RBFOX2: variants seen among roughly 807,000 people sequenced by gnomAD.
RBFOX2 encodes RNA binding fox-1 homolog 2.
In RBFOX2, 10 loss-of-function variants were observed where a neutral mutation model predicts 49.1. The ratio of observed to expected loss-of-function variants is 0.20; its 90% CI spans 0.13 to 0.35. The LOEUF is 0.35. Ranked by LOEUF, RBFOX2 falls within the 10% of genes least tolerant of loss-of-function variation. RBFOX2 has a pLI of 1.00. For synonymous variants in RBFOX2, 183 were observed against 187.4 expected, an observed-to-expected ratio of 0.98 and a Z score of 0.19; for missense variants, 323 against 486.9, an observed-to-expected ratio of 0.66 and a Z score of 3.17.
chr22:35,763,070 A>G (rs560514807), intron 6 of RBFOX2, among the ~76,000 whole-genome samples: 1 of 152,344 alleles, frequency 6.6e-6, no homozygotes, highest in African/African-American at 2.4e-5. Context: ...TGCACAAATT[A>G]AGAGATTCCA....
At chr22:35,893,107 A>G (rs990907742) in intron 1 of RBFOX2, among the ~76,000 whole-genome samples, 10 of 152,232 alleles carry the variant, frequency 6.6e-5, no homozygotes, top group Admixed American at 5.2e-4. Context: ...AGTGCTACCC[A>G]AGCCTTCAGG....
intron 1 of RBFOX2, among the ~76,000 whole-genome samples, chr22:35,826,273 C>A (rs1197092437): frequency 3.0e-5 from 4 of 134,392 alleles, no homozygotes; most frequent in Non-Finnish European, 4.6e-5. Context: ...ACCTGGGAGG[C>A]GGAGGTTGCA....
At chr22:35,974,005 C>T (rs921640618) in intron 1 of RBFOX2, among the ~76,000 whole-genome samples, 9 of 152,192 alleles carry the variant, frequency 5.9e-5, no homozygotes, top group African/African-American at 2.2e-4. Context: ...CACATTTCCT[C>T]CTGGAACGTG....
chr22:36,013,006 C>T (rs897867844), intron 1 of RBFOX2, among the ~76,000 whole-genome samples: 7 of 152,074 alleles, frequency 4.6e-5, no homozygotes, highest in African/African-American at 7.2e-5. Context: ...CCTCGTGATT[C>T]GCCCGCCTCG....
rs573529864 is a variant in RBFOX2 at position 35,945,722 on chromosome 22, C to A, written c.43-6825G>T. Reference sequence around the variant, plus strand: ...AAAGTGCTGGGATTACGGGAATAAGCCACTGTGCCTGGCCTCAAGAAGAGA... The same window carrying A: ...AAAGTGCTGGGATTACGGGAATAAGACACTGTGCCTGGCCTCAAGAAGAGA... On this transcript the variant is annotated intron_variant, in intron 1 of 5. Coordinates refer to the RBFOX2 transcript ENST00000408983. Among the ~76,000 whole-genome samples, 6 of 152,302 alleles carry A rather than the reference C, an allele frequency of 3.9e-5. No homozygotes were observed. The East Asian group carries it at 1.2e-3, about 29-fold the overall frequency.
In RBFOX2 at chr22:35,883,684, T is replaced by C. The variant is rs143893345; in HGVS notation, c.-34+55163A>G. ...CAGCAAGAAGGAACCAGAGGGGATCTGCAATGTTTTGTTTAGAAGTTTACT... is the reference window on the plus strand; with the variant it reads ...CAGCAAGAAGGAACCAGAGGGGATCCGCAATGTTTTGTTTAGAAGTTTACT... On this transcript the variant is annotated intron_variant, in intron 1 of 13. Coordinates refer to the RBFOX2 transcript ENST00000359369. Among the ~76,000 whole-genome samples, 442 of 152,340 alleles carry C rather than the reference T, an allele frequency of 2.9e-3. 3 individuals carry two copies. The highest frequency in any genetic ancestry group is 0.01 in the Middle Eastern group (3 of 294).
chr22:35,784,740 T>C (rs1946016212), intron 2 of RBFOX2, among the ~76,000 whole-genome samples: 1 of 152,192 alleles, frequency 6.6e-6, no homozygotes, highest in South Asian at 2.1e-4. Flanking sequence ...CCCTTCACCA[T>C]CTTGAGGGCC....
At chr22:35,796,440 A>G (rs565310532) in intron 2 of RBFOX2, among the ~76,000 whole-genome samples, 1 of 152,344 alleles carries the variant, frequency 6.6e-6, no homozygotes, top group East Asian at 1.9e-4. Context: ...TTACTATTAC[A>G]GTATGTTATT....
At chr22:35,962,509 G>A (rs750911521), upstream of RBFOX2, among the ~76,000 whole-genome samples, 26 of 152,068 alleles carry the variant, frequency 1.7e-4, no homozygotes, top group Non-Finnish European at 3.5e-4. Flanking sequence ...AAATTCCTGT[G>A]GATATTAACA....
At chr22:35,951,190 G>A (rs551431086) in intron 1 of RBFOX2, among the ~76,000 whole-genome samples, 8 of 146,636 alleles carry the variant, frequency 5.5e-5, no homozygotes, top group East Asian at 4.1e-4. Context: ...TCCTGACCTC[G>A]TGTTCCGCCT....
At chr22:35,746,599 TC>T in intron 9 of RBFOX2, 38 bp from the exon 12 acceptor site, 4 of 1,351,292 alleles carry the variant, frequency 3.0e-6, no homozygotes, top group South Asian at 1.5e-5. Context: ...CAGATACCTC[TC>T]CCCCCAGGTG....
Position 35,822,819 on chromosome 22 carries a change from T to A in RBFOX2, c.28-12815A>T, listed in dbSNP as rs1242134894. 25 of 431,268 alleles carry A rather than the reference T, an allele frequency of 5.8e-5. No homozygotes were observed. The Admixed American group carries it at 6.9e-4, about 12-fold the overall frequency. The allele number at this position is 431,268 out of a possible 1,614,324, so 26.7% of individuals were successfully genotyped here. ...ACTGTTTTATGTTTTGTTTTTCCTT[T>A]GGGTTGTCTTTTTTTTTTTTTTTGA... On this transcript the variant is annotated intron_variant, in intron 1 of 11. Coordinates refer to ENST00000405409, the Ensembl canonical transcript of RBFOX2.
intron 1 of RBFOX2, among the ~76,000 whole-genome samples, chr22:35,899,326 T>G (rs1210511087): frequency 2.0e-5 from 3 of 151,962 alleles, no homozygotes; most frequent in Non-Finnish European, 2.9e-5. Context: ...CTCCCATGGG[T>G]GGAACCACCA....
At chr22:35,867,593 C>T (rs974669551) in intron 1 of RBFOX2, among the ~76,000 whole-genome samples, 8 of 152,116 alleles carry the variant, frequency 5.3e-5, no homozygotes, top group Non-Finnish European at 1.0e-4. Context: ...CTTAAATATA[C>T]TAACTAAATA....
chr22:35,935,184 C>T (rs1603450693), intron 1 of RBFOX2, among the ~76,000 whole-genome samples: 1 of 152,158 alleles, frequency 6.6e-6, no homozygotes, highest in Non-Finnish European at 1.5e-5. Context: ...AATCCTCCTG[C>T]CTTGGCCTCC....
chr22:35,962,966 G>C (rs781386104), upstream of RBFOX2, among the ~76,000 whole-genome samples: 3 of 145,682 alleles, frequency 2.1e-5, no homozygotes, highest in Non-Finnish European at 4.5e-5. Context: ...GTAGGAAAGG[G>C]AGAAAAGGAA....
intron 1 of RBFOX2, among the ~76,000 whole-genome samples, chr22:35,923,958 A>T (rs569236964): frequency 2.6e-5 from 4 of 151,912 alleles, no homozygotes; most frequent in African/African-American, 4.9e-5. Flanking sequence ...AAAAAAAAAA[A>T]TTCAAATAAA....
intron 1 of RBFOX2, among the ~76,000 whole-genome samples, chr22:35,929,489 C>T (rs559936971): frequency 3.6e-4 from 55 of 151,944 alleles, no homozygotes; most frequent in African/African-American, 1.2e-3. Context: ...TGATACATCA[C>T]TATAATGAAA....
Position 35,938,849 on chromosome 22 carries a change from G to T in RBFOX2, c.-36C>A. Reference sequence around the variant, plus strand: ...AGTTACAAACAGCAGATACCAACCTGGCTGTCCCGCGCTGGGAATCCATGA... The same window carrying T: ...AGTTACAAACAGCAGATACCAACCTTGCTGTCCCGCGCTGGGAATCCATGA... On this transcript the variant is annotated splice_region_variant and 5_prime_UTR_variant, in exon 1 of 14. Transcript: ENST00000359369. The T allele has an allele frequency of 6.2e-7, 1 of 1,613,404 alleles. No individual in the cohort carries two copies. Among genetic ancestry groups the T allele is most frequent in the Non-Finnish European group, 8.5e-7 (1 of 1,179,404 alleles).
Sources: gnomAD v4.1 joint callset for allele counts (sites outside exome capture counted in the v4.1 genomes callset) on GRCh38, gnomAD v4.1.1 for gene constraint, MANE v1.5 for transcripts, NCBI Gene and HGNC (gene_info 2026-07-23, HGNC 2026-07-21) for gene names.